The following GAB2 variants were observed in gnomAD, a reference collection of about 807,000 sequenced individuals.
GAB2 encodes GRB2-associated-binding protein 2.
In GAB2, 26 loss-of-function variants were observed where a neutral mutation model predicts 65.5. The ratio of observed to expected loss-of-function variants is 0.40; its 90% CI spans 0.29 to 0.55. The LOEUF is 0.55. Among genes scored for constraint, GAB2 ranks in the 20% least tolerant of loss-of-function variants. The pLI, the probability that GAB2 is intolerant of heterozygous loss-of-function variation, is 0.53. For missense variants in GAB2, 884 were observed against 875.8 expected (o/e 1.01, Z -0.12); for synonymous variants, 321 against 329.6 (o/e 0.97, Z 0.28).
At chr11:78,345,918 A>G (rs1205868635) in intron 1 of GAB2, among the ~76,000 whole-genome samples, 1 of 152,176 alleles carries the variant, frequency 6.6e-6, no homozygotes, top group Non-Finnish European at 1.5e-5. Flanking sequence ...AACTCTCCCA[A>G]ATTTGTTATC....
At position 78,405,138 on chromosome 11, in the gene GAB2, G is replaced by A. The variant is rs191859833; in HGVS notation, c.75+12508C>T. Among the ~76,000 whole-genome samples the A allele has an allele frequency of 2.2e-3, 276 of 123,484 alleles. 1 individual carries two copies. Among genetic ancestry groups the A allele is most frequent in the African/African-American group, 7.6e-3 (249 of 32,860 alleles). The allele number at this position is 123,484 out of a possible 152,430, so 81.0% of individuals were successfully genotyped here. A position where few individuals can be genotyped will look rare whatever the true frequency, so the allele number is the denominator to read the frequency against. On this transcript the variant is annotated intron_variant, in intron 1 of 9. Coordinates refer to ENST00000361507, the MANE Select transcript of GAB2 (RefSeq NM_080491.3). ...TTTTGAGATGGAGTCTAGCTCTGTCGCCCAGGCTGGAATGCAGTGGCGCAA... is the reference window on the plus strand; with the variant it reads ...TTTTGAGATGGAGTCTAGCTCTGTCACCCAGGCTGGAATGCAGTGGCGCAA...
Position 78,381,213 on chromosome 11 carries a change from C to T in GAB2, c.75+36433G>A, listed in dbSNP as rs150247618. Among the ~76,000 whole-genome samples, 18 of 152,336 alleles carry T rather than the reference C, an allele frequency of 1.2e-4. No individual in the cohort carries two copies. The South Asian group carries it at 3.7e-3, about 32-fold the overall frequency. ...CCACTGAAAATGTCCCATCTCCCAT[C>T]CATCTCATTTACTAGAAGGTGGTCT... On this transcript the variant is annotated intron_variant, in intron 1 of 9. Coordinates refer to ENST00000361507, the MANE Select transcript of GAB2 (RefSeq NM_080491.3).
chr11:78,222,710 G>C (rs1034396222), intron 6 of GAB2, among the ~76,000 whole-genome samples: 2 of 152,130 alleles, frequency 1.3e-5, no homozygotes, highest in Non-Finnish European at 2.9e-5. Flanking sequence ...AGCCTCCCTA[G>C]TAGCTGGGAC....
Position 78,218,416 on chromosome 11 carries a change from G to A in GAB2, c.*856C>T, listed in dbSNP as rs1864253849. On this transcript the variant is annotated 3_prime_UTR_variant, in exon 10 of 10. Coordinates refer to ENST00000361507, the MANE Select transcript of GAB2 (RefSeq NM_080491.3). ...AGGTGGGGCTGGCGGGGGCCTCTGA[G>A]GGGACTGGGGAAGAGGACTAGCCCT... is the stretch of plus-strand genomic sequence containing the variant. The A allele has an allele frequency of 1.3e-5, 2 of 152,730 alleles. No homozygotes were observed. Among genetic ancestry groups the A allele is most frequent in the Admixed American group, 6.5e-5 (1 of 15,310 alleles). The allele number at this position is 152,730 out of a possible 1,614,324, so 9.5% of individuals were successfully genotyped here. A position where few individuals can be genotyped will look rare whatever the true frequency, so the allele number is the denominator to read the frequency against.
At chr11:78,235,353 C>T (rs905042989) in intron 3 of GAB2, among the ~76,000 whole-genome samples, 8 of 152,028 alleles carry the variant, frequency 5.3e-5, no homozygotes, top group African/African-American at 1.7e-4. Context: ...GGGGTTTCAC[C>T]GTGTTAGCCA....
intron 1 of GAB2, among the ~76,000 whole-genome samples, chr11:78,414,217 G>T (rs892348109): frequency 6.6e-6 from 1 of 151,934 alleles, no homozygotes; most frequent in Non-Finnish European, 1.5e-5. Flanking sequence ...TGAAGGAGAA[G>T]GCAAAGCCAT....
intron 1 of GAB2, among the ~76,000 whole-genome samples, chr11:78,342,297 T>C (rs1856109601): frequency 6.6e-6 from 1 of 152,026 alleles, no homozygotes; most frequent in African/African-American, 2.4e-5. Flanking sequence ...GAAATTAAAC[T>C]CCTTCTTCAA....
At position 78,241,416 on chromosome 11, in the gene GAB2, A is replaced by T. The variant is rs150732994; in HGVS notation, c.620+8741T>A. 7.9e-5 allele frequency among the ~76,000 whole-genome samples: 12 copies of T among 152,348 alleles called. No individual in the cohort carries two copies. In the East Asian group the frequency reaches 1.9e-3, roughly 24 times the overall value. ...AAGAAACACAAAAAAGGAAGGAAAT[A>T]TAACACCAAAAAAGCACCAAAGGAA... On this transcript the variant is annotated intron_variant, in intron 3 of 9. Coordinates refer to ENST00000361507, the MANE Select transcript of GAB2 (RefSeq NM_080491.3).
intron 1 of GAB2, among the ~76,000 whole-genome samples, chr11:78,318,940 T>A (rs866283012): frequency 1.3e-5 from 2 of 152,276 alleles, no homozygotes; most frequent in South Asian, 2.1e-4. Context: ...GAATGGAGAA[T>A]CGTTCTTTTC....
intron 1 of GAB2, among the ~76,000 whole-genome samples, chr11:78,364,397 G>T (rs555231821): frequency 1.1e-3 from 175 of 152,310 alleles, no homozygotes; most frequent in African/African-American, 4.0e-3. Flanking sequence ...CAAAAATTCA[G>T]TAAGAAATGT....
chr11:78,374,556 T>C (rs1856609973), intron 1 of GAB2, among the ~76,000 whole-genome samples: 2 of 152,216 alleles, frequency 1.3e-5, no homozygotes, highest in Admixed American at 6.5e-5. Context: ...TCTTAATGTA[T>C]AAAATAATGA....
chr11:78,378,529 T>C (rs931840258), intron 1 of GAB2, among the ~76,000 whole-genome samples: 20 of 152,206 alleles, frequency 1.3e-4, no homozygotes, highest in Non-Finnish European at 2.8e-4. Context: ...TCAATTCTCA[T>C]AGCAACCCTG....
chr11:78,351,032 C>T (rs572346909), intron 1 of GAB2, among the ~76,000 whole-genome samples: 2 of 152,150 alleles, frequency 1.3e-5, no homozygotes, highest in East Asian at 3.9e-4. Flanking sequence ...GAAACAGACT[C>T]GCAGGACTTT....
intron 1 of GAB2, among the ~76,000 whole-genome samples, chr11:78,370,717 G>C (rs548512733): frequency 0.013 from 1,865 of 145,446 alleles, 30 homozygotes; most frequent in African/African-American, 0.048. Flanking sequence ...GTGTGCGTGT[G>C]TGTGTGTATG....
At position 78,303,350 on chromosome 11, in the gene GAB2, T is replaced by G. The variant is rs1591018698; in HGVS notation, c.76-22449A>C. On this transcript the variant is annotated intron_variant, in intron 1 of 9. Transcript: ENST00000361507. ...CTATGACCCATGTTTGTATAGAGTA[T>G]GAGAAAAAGGTCATGGTTCAATTTT... Among the ~76,000 whole-genome samples the G allele has an allele frequency of 3.9e-5, 6 of 152,314 alleles. No individual in the cohort carries two copies. In the South Asian group the frequency reaches 8.3e-4, roughly 21 times the overall value.
At chr11:78,379,234 A>G (rs1856668412) in intron 1 of GAB2, among the ~76,000 whole-genome samples, 1 of 152,230 alleles carries the variant, frequency 6.6e-6, no homozygotes, top group Non-Finnish European at 1.5e-5. Flanking sequence ...TATTCTCCAC[A>G]GAGAAGCTAG....
At chr11:78,306,644 G>A (rs1488557917) in intron 1 of GAB2, among the ~76,000 whole-genome samples, 1 of 152,226 alleles carries the variant, frequency 6.6e-6, no homozygotes, top group South Asian at 2.1e-4. Context: ...AAAGCTACAA[G>A]CTTCATCATG....
At chr11:78,279,907 G>A (rs1004155729) in intron 2 of GAB2, among the ~76,000 whole-genome samples, 42 of 152,080 alleles carry the variant, frequency 2.8e-4, no homozygotes, top group Admixed American at 2.4e-3. Context: ...ATATGCCTGC[G>A]AGTAGAATTC....
At chr11:78,252,921 C>A (rs1230033551) in intron 2 of GAB2, among the ~76,000 whole-genome samples, 1 of 151,866 alleles carries the variant, frequency 6.6e-6, no homozygotes, top group Non-Finnish European at 1.5e-5. Flanking sequence ...TCTTCTGTTT[C>A]TCAGCAACCA....
Sources: allele counts gnomAD v4.1 joint callset (sites outside exome capture counted in the v4.1 genomes callset), GRCh38; gene constraint gnomAD v4.1.1; transcripts MANE v1.5; gene names NCBI Gene and HGNC (gene_info 2026-07-23, HGNC 2026-07-21).